Variants in ALDH6A1 observed in about 807,000 individuals in gnomAD.
The protein encoded by ALDH6A1 is methylmalonate-semialdehyde/malonate-semialdehyde dehydrogenase [acylating], mitochondrial.
Under a neutral mutation model 62.6 loss-of-function variants are expected in ALDH6A1, and 43 were observed. The observed-to-expected ratio is 0.69, with a 90% CI of 0.54 to 0.89. The LOEUF (loss-of-function observed/expected upper bound fraction) is 0.89. Among genes scored for constraint, ALDH6A1 ranks in the 40% least tolerant of loss-of-function variants. ALDH6A1 has a pLI of 0.00. For missense variants in ALDH6A1, 551 were observed against 661.3 expected (o/e 0.83, Z 1.83); for synonymous variants, 194 against 234.2 (o/e 0.83, Z 1.57).
chr14:74,082,405 T>G (rs999816688), intron 1 of ALDH6A1, among the ~76,000 whole-genome samples: 2 of 140,544 alleles, frequency 1.4e-5, no homozygotes, highest in African/African-American at 2.7e-5. Flanking sequence ...TTTTTTTTTT[T>G]TTTTTTTTTT....
intron 11 of ALDH6A1, among the ~76,000 whole-genome samples, chr14:74,062,051 GAAAAAAAAAAAAAAAA>G (rs369414700): frequency 2.5e-4 from 15 of 59,616 alleles, no homozygotes; most frequent in Admixed American, 4.9e-4. Context: ...TCTCTACTGG[GAAAAAAAAAAAAAAAA>G]AAAAAAAAAA....
intron 11 of ALDH6A1, among the ~76,000 whole-genome samples, chr14:74,063,865 CA>C (rs71115948): frequency 0.56 from 69,431 of 123,992 alleles, 17,090 homozygotes; most frequent in East Asian, 0.88. Context: ...GACTCTGTCT[CA>C]AAAAAAAAAA....
In ALDH6A1 at chr14:74,060,155, T is replaced by TCC. The variant is rs945438334; in HGVS notation, c.*485_*486dup. On this transcript the variant is annotated 3_prime_UTR_variant, in exon 12 of 12. Coordinates refer to ENST00000553458, the MANE Select transcript of ALDH6A1 (RefSeq NM_005589.4). ...AACATCTTCTTTAAAAAATTTTTTT[T>TCC]CCCTTTTCTTTTTTTACTTTTTCAA... 6.3e-6 allele frequency: 1 copy of TCC among 157,824 alleles called. No homozygotes were observed. Among genetic ancestry groups the TCC allele is most frequent in the Non-Finnish European group, 1.4e-5 (1 of 71,152 alleles). The allele number at this position is 157,824 out of a possible 1,614,324, so 9.8% of individuals were successfully genotyped here.
chr14:74,083,548 T>C (rs2060691230), intron 1 of ALDH6A1, among the ~76,000 whole-genome samples: 1 of 152,226 alleles, frequency 6.6e-6, no homozygotes, highest in Non-Finnish European at 1.5e-5. Context: ...CTTCTTGTCT[T>C]ACCTGGCTCC....
chr14:74,075,691 A>G (rs1340472964), intron 1 of ALDH6A1, among the ~76,000 whole-genome samples: 1 of 152,110 alleles, frequency 6.6e-6, no homozygotes, highest in East Asian at 1.9e-4. Context: ...AAATATAAGT[A>G]ATAGAGTATA....
In ALDH6A1 at chr14:74,057,163, G is replaced by C; in HGVS notation, c.*3479C>G. 6.2e-7 allele frequency: 1 copy of C among 1,612,646 alleles called. No individual in the cohort carries two copies. Among genetic ancestry groups the C allele is most frequent in the Non-Finnish European group, 8.5e-7 (1 of 1,178,886 alleles). On this transcript the variant is annotated 3_prime_UTR_variant, in exon 12 of 12. Coordinates refer to ENST00000553458, the MANE Select transcript of ALDH6A1 (RefSeq NM_005589.4). ...TTGCAGGGATGAAAGTAAGCTTCAA[G>C]ATAAAATCTTCATCACCCAGCAAAT...
Position 74,071,928 on chromosome 14 carries a change from G to T in ALDH6A1, c.395C>A (p.Ala132Asp). Residue 132 changes from alanine (A) to aspartate (D), a missense_variant, in exon 5 of 12, where the codon GCT becomes GAT. Ala to Asp is a moderately radical substitution (Grantham distance 126). Coordinates refer to ENST00000553458, the MANE Select transcript of ALDH6A1 (RefSeq NM_005589.4). ...LITLEQGKTL[A>D]DAEGDVFRGL... ...TCGAAATACATCTCCTTCAGCATCA[G>T]CTAGGGTCTTCCCTTGTTCCAATGT... The T allele has an allele frequency of 6.2e-7, 1 of 1,614,206 alleles. No individual in the cohort carries two copies. The highest frequency in any genetic ancestry group is 1.3e-5 in the African/African-American group (1 of 75,060).
At chr14:74,083,665 C>T (rs1419650071) in intron 1 of ALDH6A1, among the ~76,000 whole-genome samples, 2 of 152,100 alleles carry the variant, frequency 1.3e-5, no homozygotes, top group Non-Finnish European at 2.9e-5. Context: ...GTAGATGTGC[C>T]CTATCTATGT....
rs777270392 is a variant in ALDH6A1, at chr14:74,084,384, AG to A, written c.10del (p.Leu4TyrfsTer18). Reference protein sequence around the residue: MAALLAAAAVRARI... With the variant: MAAXLAAAAVRARI... ...GGCTCGCACTGCCGCCGCCGCCAAT[AG>A]CGCCGCCATGGCTCTCGGCCGCCCT... On this transcript the variant is annotated frameshift_variant, in exon 1 of 12. Transcript: ENST00000553458. LOFTEE classifies it high-confidence loss of function. 17 of 1,613,394 alleles carry A rather than the reference AG, an allele frequency of 1.1e-5. No homozygotes were observed. Among genetic ancestry groups the A allele is most frequent in the Non-Finnish European group, 1.4e-5 (17 of 1,179,928 alleles).
At chr14:74,068,733 C>T in intron 7 of ALDH6A1, 127 bp downstream of exon 7, 1 of 1,150,066 alleles carries the variant, frequency 8.7e-7, no homozygotes, top group Admixed American at 2.0e-5. Context: ...CAGAGAGACT[C>T]TGTCTCAAAA....
chr14:74,080,482 C>G (rs1217944680), intron 1 of ALDH6A1, among the ~76,000 whole-genome samples: 5 of 151,786 alleles, frequency 3.3e-5, no homozygotes, highest in Non-Finnish European at 7.4e-5. Context: ...ATCCTCCTGC[C>G]TTAGCCTCCC....
In ALDH6A1 at chr14:74,058,350, A is replaced by C. The variant is rs546381451; in HGVS notation, c.*2292T>G. 7.0e-5 allele frequency: 10 copies of C among 142,736 alleles called. No homozygotes were observed. Among genetic ancestry groups the C allele is most frequent in the East Asian group, 3.9e-4 (2 of 5,178 alleles). 8.8% of individuals were successfully genotyped at this position (142,736 alleles called of 1,614,324 possible). A position where few individuals can be genotyped will look rare whatever the true frequency, so the allele number is the denominator to read the frequency against. On this transcript the variant is annotated 3_prime_UTR_variant, in exon 12 of 12. Transcript: ENST00000553458. ...TCAAAACAAAACAAAACAACAACAA[A>C]AAAAATCACTACCAGTTGCCAGCTG...
Position 74,084,431 on chromosome 14 carries a change from T to G in ALDH6A1, c.-37A>C. The G allele has an allele frequency of 6.2e-7, 1 of 1,610,634 alleles. No homozygotes were observed. The highest frequency in any genetic ancestry group is 8.5e-7 in the Non-Finnish European group (1 of 1,179,248). On this transcript the variant is annotated 5_prime_UTR_variant, in exon 1 of 12. Coordinates refer to ENST00000553458, the MANE Select transcript of ALDH6A1 (RefSeq NM_005589.4). ...GCCCTAGCTCCGCACCCCGCGCCTC[T>G]ACTGCCCAGAAGCACTACAGCTGCC...
chr14:74,066,532 G>T (rs2060468543), intron 9 of ALDH6A1, among the ~76,000 whole-genome samples, 173 bp downstream of exon 9: 1 of 152,102 alleles, frequency 6.6e-6, no homozygotes, highest in African/African-American at 2.4e-5. Flanking sequence ...AAAGAGTTTG[G>T]TTGGGAGTTA....
In ALDH6A1 at chr14:74,072,716, G is replaced by C. The variant is rs981264314; in HGVS notation, c.112-105C>G. On this transcript the variant is annotated intron_variant, in intron 2 of 11. Coordinates refer to ENST00000553458, the MANE Select transcript of ALDH6A1 (RefSeq NM_005589.4). ...CTTGCACCAAAAGGAAAGAAAACAAGTTGATAACGGAATCTTCTGGTCTTT... is the reference window on the plus strand; with the variant it reads ...CTTGCACCAAAAGGAAAGAAAACAACTTGATAACGGAATCTTCTGGTCTTT... 29 of 1,263,588 alleles carry C rather than the reference G, an allele frequency of 2.3e-5. 1 individual carries two copies. The South Asian group carries it at 3.6e-4, about 15-fold the overall frequency. The allele number at this position is 1,263,588 out of a possible 1,614,324, so 78.3% of individuals were successfully genotyped here. A position where few individuals can be genotyped will look rare whatever the true frequency, so the allele number is the denominator to read the frequency against.
rs771017596 is a variant in ALDH6A1, at chr14:74,084,432, A to G, written c.-38T>C. On this transcript the variant is annotated 5_prime_UTR_variant, in exon 1 of 12. Coordinates refer to ENST00000553458, the MANE Select transcript of ALDH6A1 (RefSeq NM_005589.4). The stretch of plus-strand genomic sequence containing the variant: ...CCCTAGCTCCGCACCCCGCGCCTCT[A>G]CTGCCCAGAAGCACTACAGCTGCCA... 5 of 1,610,360 alleles carry G rather than the reference A, an allele frequency of 3.1e-6. No homozygotes were observed. The Admixed American group carries it at 6.7e-5, about 22-fold the overall frequency.
Position 74,065,082 on chromosome 14 carries a change from T to C in ALDH6A1, c.1404+99A>G, listed in dbSNP as rs558456298. On this transcript the variant is annotated intron_variant, in intron 10 of 11. Coordinates refer to ENST00000553458, the MANE Select transcript of ALDH6A1 (RefSeq NM_005589.4). ...AGAAATGGGGCAATGTGGGAGGTCA[T>C]GGGGGCAATCTTAAACCAATGACTC... 10 of 1,475,260 alleles carry C rather than the reference T, an allele frequency of 6.8e-6. No homozygotes were observed. In the African/African-American group the frequency reaches 7.0e-5, roughly 10 times the overall value. 91.4% of individuals were successfully genotyped at this position (1,475,260 alleles called of 1,614,324 possible).
At chr14:74,067,321 C>A (rs1595118760) in intron 8 of ALDH6A1, 59 bp downstream of exon 8, 5 of 1,596,606 alleles carry the variant, frequency 3.1e-6, no homozygotes, top group African/African-American at 1.3e-5. Flanking sequence ...AGTGACAGAA[C>A]CCAAGAGCTT....
intron 1 of ALDH6A1, among the ~76,000 whole-genome samples, chr14:74,078,013 G>A (rs2060631853): frequency 6.6e-6 from 1 of 152,182 alleles, no homozygotes; most frequent in Non-Finnish European, 1.5e-5. Context: ...AGCTGAGGCA[G>A]GAGGATCTCT....
Sources: gnomAD v4.1 joint callset for allele counts (sites outside exome capture counted in the v4.1 genomes callset) on GRCh38, gnomAD v4.1.1 for gene constraint, MANE v1.5 for transcripts, NCBI Gene and HGNC (gene_info 2026-07-23, HGNC 2026-07-21) for gene names.